Variants in SND1 observed in about 807,000 individuals in gnomAD.
The protein encoded by SND1 is staphylococcal nuclease and tudor domain containing 1, also known as staphylococcal nuclease domain-containing protein 1.
Under a neutral mutation model 121.7 loss-of-function variants are expected in SND1, and 38 were observed. The ratio of observed to expected loss-of-function variants is 0.31; its 90% CI spans 0.24 to 0.41. SND1 has a LOEUF of 0.41. Ranked by LOEUF, SND1 falls within the 10% of genes least tolerant of loss-of-function variation. The pLI, the probability that SND1 is intolerant of heterozygous loss-of-function variation, is 1.00. For missense variants in SND1, 868 were observed against 1,184.6 expected (o/e 0.73, Z 3.92); for synonymous variants, 401 against 447.4 (o/e 0.90, Z 1.31).
chr7:127,972,446 A>C, intron 15 of SND1, among the ~76,000 whole-genome samples: 1 of 151,518 alleles, frequency 6.6e-6, no homozygotes, highest in East Asian at 2.0e-4. Context: ...TTTTATAGAG[A>C]CGGGTTTCGC....
intron 16 of SND1, among the ~76,000 whole-genome samples, chr7:128,023,508 C>T (rs938347309): frequency 2.0e-5 from 3 of 152,222 alleles, no homozygotes; most frequent in Non-Finnish European, 4.4e-5. Context: ...TCTTCTGGCT[C>T]ACCACAAGGA....
chr7:127,883,236 C>T (rs1043797119), intron 12 of SND1, among the ~76,000 whole-genome samples: 4 of 152,030 alleles, frequency 2.6e-5, no homozygotes, highest in African/African-American at 9.7e-5. Flanking sequence ...GTAGTGAAAC[C>T]GTGGGGTCCA....
intron 14 of SND1, among the ~76,000 whole-genome samples, chr7:127,925,011 A>T (rs777947091): frequency 6.6e-6 from 1 of 152,102 alleles, no homozygotes; most frequent in Non-Finnish European, 1.5e-5. Flanking sequence ...CTGTTCCTCT[A>T]AGTTTGAGAT....
chr7:127,938,875 C>T (rs922483979), intron 15 of SND1, among the ~76,000 whole-genome samples: 1 of 152,186 alleles, frequency 6.6e-6, no homozygotes, highest in Non-Finnish European at 1.5e-5. Context: ...CATTCAATTA[C>T]ATGGTTATTT....
chr7:127,765,591 G>A (rs1439405713), intron 10 of SND1, among the ~76,000 whole-genome samples: 1 of 152,204 alleles, frequency 6.6e-6, no homozygotes, highest in African/African-American at 2.4e-5. Flanking sequence ...TAAGGACCAA[G>A]CTTTAAATCC....
chr7:127,997,743 A>C, intron 16 of SND1: 1 of 534,772 alleles, frequency 1.9e-6, no homozygotes, highest in Non-Finnish European at 3.8e-6. Flanking sequence ...ATCAGAATGG[A>C]CCTGTTATAC....
At chr7:128,055,061 G>A (rs747934870) in intron 16 of SND1, among the ~76,000 whole-genome samples, 10 of 152,206 alleles carry the variant, frequency 6.6e-5, no homozygotes, top group Non-Finnish European at 1.0e-4. Context: ...CACATCTCCA[G>A]GGCAATAAAT....
At chr7:128,059,936 A>G (rs1793204181) in intron 16 of SND1, among the ~76,000 whole-genome samples, 1 of 152,232 alleles carries the variant, frequency 6.6e-6, no homozygotes, top group Non-Finnish European at 1.5e-5. Context: ...AAACAGGAAA[A>G]TAGCCCGTTC....
intron 1 of SND1, among the ~76,000 whole-genome samples, chr7:127,675,366 A>G (rs1021946790): frequency 2.0e-5 from 3 of 152,328 alleles, no homozygotes; most frequent in East Asian, 3.9e-4. Context: ...GTGGCTGTTC[A>G]GAATCAAACT....
chr7:127,669,931 CT>C (rs991427755), intron 1 of SND1, among the ~76,000 whole-genome samples: 5 of 150,222 alleles, frequency 3.3e-5, no homozygotes, highest in Non-Finnish European at 5.9e-5. Flanking sequence ...AGCATCTTTT[CT>C]TTTTTTTTCT....
intron 1 of SND1, among the ~76,000 whole-genome samples, chr7:127,664,759 T>C (rs1023717054): frequency 5.9e-5 from 9 of 152,140 alleles, no homozygotes; most frequent in South Asian, 2.1e-4. Context: ...ACTTTTGACT[T>C]GTGGGATCTG....
intron 16 of SND1, among the ~76,000 whole-genome samples, chr7:128,045,069 G>A (rs1473817411): frequency 6.6e-6 from 1 of 152,154 alleles, no homozygotes; most frequent in Non-Finnish European, 1.5e-5. Flanking sequence ...GAAACTAGAG[G>A]CAGATACGAG....
At chr7:127,925,187 A>G (rs759671382) in intron 14 of SND1, among the ~76,000 whole-genome samples, 1 of 152,230 alleles carries the variant, frequency 6.6e-6, no homozygotes, top group Non-Finnish European at 1.5e-5. Flanking sequence ...AGCTTTTCTA[A>G]GAGTACAGGA....
At chr7:127,963,809 G>C (rs2116874747) in intron 15 of SND1, among the ~76,000 whole-genome samples, 1 of 75,316 alleles carries the variant, frequency 1.3e-5, no homozygotes, top group East Asian at 4.0e-4. Flanking sequence ...TCTAGTTCTA[G>C]ATCCCTGAGG....
chr7:127,872,628 G>A (rs199626152), intron 12 of SND1, among the ~76,000 whole-genome samples: 13 of 139,938 alleles, frequency 9.3e-5, no homozygotes, highest in South Asian at 2.4e-4. Context: ...TAACACACAC[G>A]CACACACACA....
chr7:127,784,533 G>C (rs185731122), intron 10 of SND1, among the ~76,000 whole-genome samples: 174 of 152,314 alleles, frequency 1.1e-3, no homozygotes, highest in Non-Finnish European at 1.8e-3. Context: ...CTGAAACATG[G>C]AAAAGGTATA....
At chr7:128,044,830 A>G (rs1479966951) in intron 16 of SND1, among the ~76,000 whole-genome samples, 3 of 152,104 alleles carry the variant, frequency 2.0e-5, no homozygotes, top group African/African-American at 4.8e-5. Context: ...GGAACATACT[A>G]TATCTGTTTC....
At chr7:127,816,662 CTTTTTTT>C (rs919893026) in intron 11 of SND1, among the ~76,000 whole-genome samples, 7 of 135,242 alleles carry the variant, frequency 5.2e-5, no homozygotes, top group Admixed American at 2.2e-4. Context: ...TTCTCAAACT[CTTTTTTT>C]TTTTTTTTTT....
At chr7:127,989,331 T>A (rs575511966) in intron 15 of SND1, among the ~76,000 whole-genome samples, 2 of 152,346 alleles carry the variant, frequency 1.3e-5, no homozygotes, top group South Asian at 4.1e-4. Flanking sequence ...TTTTATTTGA[T>A]GTGGTGTATT....
Sources: gnomAD v4.1 joint callset for allele counts (sites outside exome capture counted in the v4.1 genomes callset) on GRCh38, gnomAD v4.1.1 for gene constraint, MANE v1.5 for transcripts, NCBI Gene and HGNC (gene_info 2026-07-23, HGNC 2026-07-21) for gene names.